CR1L: variants seen among roughly 807,000 people sequenced by gnomAD.
CR1L encodes the protein complement component receptor 1-like protein.
CR1L carries 59 observed loss-of-function variants against 62.3 expected under a neutral mutation model. The ratio of observed to expected loss-of-function variants is 0.95; its 90% CI spans 0.77 to 1.18. CR1L has a LOEUF of 1.18. Among genes scored for constraint, CR1L ranks in the 50% most tolerant of loss-of-function variants. The pLI, the probability that CR1L is intolerant of heterozygous loss-of-function variation, is 0.00. For synonymous variants in CR1L, 279 were observed against 248.7 expected, an observed-to-expected ratio of 1.12 and a Z score of -1.15; for missense variants, 700 against 702.8, an observed-to-expected ratio of 1.00 and a Z score of 0.04.
rs1265289997 is a variant in CR1L, at chr1:207,678,078, T to C, written c.278-120T>C. 1.0e-5 allele frequency: 9 copies of C among 861,138 alleles called. No homozygotes were observed. In the East Asian group the frequency reaches 2.3e-4, roughly 22 times the overall value. The allele number at this position is 861,138 out of a possible 1,614,324, so 53.3% of individuals were successfully genotyped here. ...TGAGTTTCCTCAAGGTAGCAAAATC[T>C]GTGGAACCATCAGAACTGCATGTGT... On this transcript the variant is annotated intron_variant, in intron 2 of 11. Transcript: ENST00000508064.
chr1:207,660,102 G>A (rs1031275368), intron 1 of CR1L, among the ~76,000 whole-genome samples: 1 of 152,240 alleles, frequency 6.6e-6, no homozygotes, highest in African/African-American at 2.4e-5. Context: ...TGGCATATCT[G>A]AACAAAAGGC....
chr1:207,710,733 C>A (rs940354883), intron 10 of CR1L: 17 of 1,609,400 alleles, frequency 1.1e-5, no homozygotes, highest in Admixed American at 3.3e-5. Context: ...GCACCGTGTG[C>A]AATGCCAGGC....
At chr1:207,681,872 A>G (rs939620095) in intron 3 of CR1L, among the ~76,000 whole-genome samples, 1 of 152,098 alleles carries the variant, frequency 6.6e-6, no homozygotes, top group African/African-American at 2.4e-5. Flanking sequence ...TGGCAGTGCA[A>G]TTGAGAATGC....
At chr1:207,712,506 C>A (rs1261961435) in intron 10 of CR1L, among the ~76,000 whole-genome samples, 1 of 152,208 alleles carries the variant, frequency 6.6e-6, no homozygotes, top group Non-Finnish European at 1.5e-5. Flanking sequence ...AACAAGTACT[C>A]TGGAACTGTC....
intron 11 of CR1L, among the ~76,000 whole-genome samples, chr1:207,722,825 C>T (rs1654169033): frequency 6.6e-6 from 1 of 152,066 alleles, no homozygotes; most frequent in African/African-American, 2.4e-5. Context: ...GCCAGTTAGC[C>T]TCCTAGAACT....
chr1:207,647,002 T>C (rs1279938748), intron 1 of CR1L, among the ~76,000 whole-genome samples: 2 of 144,388 alleles, frequency 1.4e-5, no homozygotes, highest in African/African-American at 5.1e-5. Context: ...ATTTTCTTTA[T>C]CCTTTTTTTA....
Position 207,694,618 on chromosome 1 carries a change from C to G in CR1L, c.729C>G (p.Asp243Glu). Reference sequence around the variant, plus strand: ...TGGAAAATGGAATATTGGTATCTGACAACAGAAGCTTATTTTCCTTAAATG... The same window carrying G: ...TGGAAAATGGAATATTGGTATCTGAGAACAGAAGCTTATTTTCCTTAAATG... ...PNVENGILVSDNRSLFSLNEV... is the reference protein window; with the variant it reads ...PNVENGILVSENRSLFSLNEV... The change falls in exon 5 of 12, where the codon GAC becomes GAG. Residue 243 changes from aspartate (D) to glutamate (E), a missense_variant. Asp to Glu is a conservative substitution (Grantham distance 45). Transcript: ENST00000508064. The G allele has an allele frequency of 6.2e-7, 1 of 1,611,894 alleles. No individual in the cohort carries two copies. The highest frequency in any genetic ancestry group is 1.1e-5 in the South Asian group (1 of 90,992).
At chr1:207,646,040 A>G (rs181834486) in intron 1 of CR1L, among the ~76,000 whole-genome samples, 22 of 151,246 alleles carry the variant, frequency 1.5e-4, no homozygotes, top group African/African-American at 3.4e-4. Context: ...GTAAGGGCGC[A>G]CCATGCTTTT....
At chr1:207,664,345 T>A (rs1663475704) in intron 1 of CR1L, among the ~76,000 whole-genome samples, 1 of 152,232 alleles carries the variant, frequency 6.6e-6, no homozygotes, top group Non-Finnish European at 1.5e-5. Flanking sequence ...CTAATTTGTT[T>A]ATATATTTCC....
chr1:207,668,631 C>T (rs999157015), intron 1 of CR1L, among the ~76,000 whole-genome samples: 1 of 151,058 alleles, frequency 6.6e-6, no homozygotes, highest in Admixed American at 6.6e-5. Context: ...GTCACTCCTA[C>T]ATCCATATTC....
chr1:207,691,314 T>C (rs1392933590), intron 4 of CR1L, among the ~76,000 whole-genome samples: 1 of 152,012 alleles, frequency 6.6e-6, no homozygotes, highest in African/African-American at 2.4e-5. Context: ...ATATCAGCTT[T>C]CTTTCTTGTA....
At chr1:207,719,276 T>TAA (rs56207700) in intron 11 of CR1L, among the ~76,000 whole-genome samples, 89 of 139,008 alleles carry the variant, frequency 6.4e-4, no homozygotes, top group Middle Eastern at 3.7e-3. Flanking sequence ...AAAAAAACAT[T>TAA]AAAAAAAAAA....
intron 1 of CR1L, among the ~76,000 whole-genome samples, chr1:207,675,555 C>T (rs947215123): frequency 6.6e-5 from 10 of 152,272 alleles, no homozygotes; most frequent in Admixed American, 4.6e-4. Context: ...TGAGGGGACC[C>T]AGTGGTAAGA....
rs773366212 is a variant in CR1L at position 207,699,266 on chromosome 1, T to G, written c.1220T>G (p.Val407Gly). 4 of 1,613,714 alleles carry G rather than the reference T, an allele frequency of 2.5e-6. No homozygotes were observed. The highest frequency in any genetic ancestry group is 2.2e-5 in the South Asian group (2 of 91,076). The change falls in exon 8 of 12, where the codon GTG (valine) becomes GGG (glycine). Residue 407 changes from valine to glycine, a missense_variant. Transcript: ENST00000508064. ...AGCCTTTGGAATAGCAGTGTTCCAG[T>G]GTGTGAACGTAAGTAATAGGAGTAA... is the stretch of plus-strand genomic sequence containing the variant. ...MESLWNSSVP[V>G]CERKSCETPP...
intron 4 of CR1L, among the ~76,000 whole-genome samples, chr1:207,691,622 A>T (rs1173856896): frequency 3.3e-5 from 5 of 151,880 alleles, no homozygotes; most frequent in Admixed American, 3.3e-4. Flanking sequence ...TATTTTTATT[A>T]TTCTATTTTC....
intron 10 of CR1L, chr1:207,708,917 C>A (rs1664310726): frequency 4.2e-5 from 16 of 376,594 alleles, no homozygotes; most frequent in South Asian, 3.2e-4. Flanking sequence ...TAGAGTAGGA[C>A]ACAGTATTCA....
At chr1:207,667,748 G>GA (rs1663544624) in intron 1 of CR1L, among the ~76,000 whole-genome samples, 1 of 144,048 alleles carries the variant, frequency 6.9e-6, no homozygotes, top group Non-Finnish European at 1.5e-5. Context: ...CAGAATGTGA[G>GA]AAAATGTTTG....
intron 1 of CR1L, among the ~76,000 whole-genome samples, chr1:207,661,154 A>G (rs1663414322): frequency 6.6e-6 from 1 of 152,184 alleles, no homozygotes; most frequent in Non-Finnish European, 1.5e-5. Flanking sequence ...GTAGATGTCT[A>G]TTAGGTCTGC....
At position 207,708,264 on chromosome 1, in the gene CR1L, G is replaced by A. The variant is rs1281460593; in HGVS notation, c.1414+1G>A. The A allele has an allele frequency of 1.2e-5, 20 of 1,610,964 alleles. No homozygotes were observed. In the East Asian group the frequency reaches 2.7e-4, roughly 22 times the overall value. ...AGCATGAAGCCACCAATTTGTCAAC[G>A]TGAGTTGAAATCTCTTTCCCCATTC... On this transcript the variant is annotated splice_donor_variant, in intron 10 of 11. Transcript: ENST00000508064. LOFTEE classifies it high-confidence loss of function.
Sources: allele counts gnomAD v4.1 joint callset (sites outside exome capture counted in the v4.1 genomes callset), GRCh38; gene constraint gnomAD v4.1.1; transcripts MANE v1.5; gene names NCBI Gene and HGNC (gene_info 2026-07-23, HGNC 2026-07-21).